The following NDUFAF2 variants were observed in gnomAD, a reference collection of about 807,000 sequenced individuals.
NDUFAF2 encodes the protein NADH:ubiquinone oxidoreductase complex assembly factor 2.
A neutral mutation model predicts 22.8 loss-of-function variants in NDUFAF2; 13 were observed. The observed-to-expected ratio is 0.57, with a 90% CI of 0.37 to 0.91. NDUFAF2 has a LOEUF of 0.91. Ranked by LOEUF, NDUFAF2 falls within the 40% of genes least tolerant of loss-of-function variation. NDUFAF2 has a pLI of 0.01. For missense variants in NDUFAF2, 162 were observed against 195.2 expected, an observed-to-expected ratio of 0.83 and a Z score of 1.01; for synonymous variants, 53 against 64.2, an observed-to-expected ratio of 0.83 and a Z score of 0.84.
intron 1 of NDUFAF2, among the ~76,000 whole-genome samples, chr5:60,949,600 CT>C (rs1750514952): frequency 6.6e-6 from 1 of 152,186 alleles, no homozygotes; most frequent in African/African-American, 2.4e-5. Flanking sequence ...CCAGCTTACT[CT>C]GTAAAACGGA....
intron 3 of NDUFAF2, among the ~76,000 whole-genome samples, chr5:61,107,949 G>T (rs952504371): frequency 6.7e-6 from 1 of 150,360 alleles, no homozygotes. Context: ...AGTTTACTGA[G>T]AATGATGATT....
Position 61,076,245 on chromosome 5 carries a change from T to G in NDUFAF2, c.217+3031T>G, listed in dbSNP as rs190659966. Among the ~76,000 whole-genome samples, 1,191 of 152,186 alleles carry G rather than the reference T, an allele frequency of 7.8e-3. 15 individuals are homozygous for G. Among genetic ancestry groups the G allele is most frequent in the African/African-American group, 0.027 (1,115 of 41,512 alleles). On this transcript the variant is annotated intron_variant, in intron 2 of 3. Coordinates refer to ENST00000296597, the MANE Select transcript of NDUFAF2 (RefSeq NM_174889.5). Reference sequence around the variant, plus strand: ...GCCACCACGCCCGGCTAATTTTGTTTTTGTATTTTTAGTAGAGAGAGGGTT... The same window carrying G: ...GCCACCACGCCCGGCTAATTTTGTTGTTGTATTTTTAGTAGAGAGAGGGTT...
At chr5:60,970,138 A>C (rs1394736181) in intron 1 of NDUFAF2, among the ~76,000 whole-genome samples, 2 of 152,154 alleles carry the variant, frequency 1.3e-5, no homozygotes, top group Non-Finnish European at 2.9e-5. Context: ...TCTGTAGTAT[A>C]ATTTGAAATC....
intron 3 of NDUFAF2, among the ~76,000 whole-genome samples, chr5:61,119,692 G>C (rs1752953595): frequency 6.6e-6 from 1 of 152,122 alleles, no homozygotes; most frequent in Non-Finnish European, 1.5e-5. Context: ...TTTTATGCCA[G>C]TCATTTGACC....
chr5:60,981,572 T>A (rs978831687), intron 1 of NDUFAF2, among the ~76,000 whole-genome samples: 2 of 152,234 alleles, frequency 1.3e-5, no homozygotes, highest in African/African-American at 4.8e-5. Context: ...AAACTACTTA[T>A]ATCTTAAGTA....
chr5:61,096,383 G>C (rs973278778), intron 2 of NDUFAF2, among the ~76,000 whole-genome samples: 1 of 151,734 alleles, frequency 6.6e-6, no homozygotes, highest in East Asian at 2.0e-4. Context: ...AGCAGATCAC[G>C]AGGTCAAGAG....
chr5:60,979,329 C>T (rs1750945135), intron 1 of NDUFAF2, among the ~76,000 whole-genome samples: 1 of 152,186 alleles, frequency 6.6e-6, no homozygotes, highest in African/African-American at 2.4e-5. Context: ...AGCTCAGCCA[C>T]AGCAGGGTAG....
intron 1 of NDUFAF2, among the ~76,000 whole-genome samples, chr5:61,021,100 A>G (rs158565): frequency 0.14 from 20,968 of 150,282 alleles, 1,802 homozygotes; most frequent in South Asian, 0.28. Flanking sequence ...TTTGTGGCAT[A>G]GTATTAGTTT....
chr5:61,040,704 T>A (rs893756265), intron 1 of NDUFAF2, among the ~76,000 whole-genome samples: 2 of 152,184 alleles, frequency 1.3e-5, no homozygotes, highest in African/African-American at 4.8e-5. Context: ...TCTTATTTTT[T>A]AAGATTCACA....
chr5:60,971,515 C>T (rs996236601), intron 1 of NDUFAF2, among the ~76,000 whole-genome samples: 2 of 151,964 alleles, frequency 1.3e-5, no homozygotes, highest in Non-Finnish European at 2.9e-5. Context: ...TCTCGATCTC[C>T]TGACCTCGTG....
chr5:61,034,912 A>ATGTGTGTGTGTGTGTGTGTGTGTG (rs1554080641), intron 1 of NDUFAF2, among the ~76,000 whole-genome samples: 1 of 144,888 alleles, frequency 6.9e-6, no homozygotes, highest in Non-Finnish European at 1.5e-5. Flanking sequence ...GCAAATATAT[A>ATGTGTGTGTGTGTGTGTGTGTGTG]TGTGTGTGTG....
At chr5:60,996,707 A>G (rs1333128289) in intron 1 of NDUFAF2, among the ~76,000 whole-genome samples, 1 of 152,138 alleles carries the variant, frequency 6.6e-6, no homozygotes, top group Non-Finnish European at 1.5e-5. Context: ...CTTAAGTTCA[A>G]ACTGCTGGGA....
chr5:61,024,847 C>A (rs1751629456), intron 1 of NDUFAF2, among the ~76,000 whole-genome samples: 1 of 152,028 alleles, frequency 6.6e-6, no homozygotes, highest in South Asian at 2.1e-4. Flanking sequence ...CTACCTTATT[C>A]TATCATACTA....
chr5:61,068,595 A>G (rs1233239026), intron 1 of NDUFAF2, among the ~76,000 whole-genome samples: 1 of 152,076 alleles, frequency 6.6e-6, no homozygotes, highest in African/African-American at 2.4e-5. Context: ...ATTTTGAGTC[A>G]CGCGCTTACA....
At chr5:61,121,187 A>G (rs1437782196) in intron 3 of NDUFAF2, among the ~76,000 whole-genome samples, 12 of 152,174 alleles carry the variant, frequency 7.9e-5, no homozygotes, top group Non-Finnish European at 1.6e-4. Context: ...CTATAGTCAT[A>G]AAGAATTAGG....
At chr5:61,038,358 A>G (rs1333247297) in intron 1 of NDUFAF2, among the ~76,000 whole-genome samples, 2 of 152,190 alleles carry the variant, frequency 1.3e-5, no homozygotes, top group African/African-American at 4.8e-5. Context: ...TGGTATTAAA[A>G]TTGATTGTGA....
chr5:60,996,047 T>G (rs1751224647), intron 1 of NDUFAF2, among the ~76,000 whole-genome samples: 1 of 152,082 alleles, frequency 6.6e-6, no homozygotes, highest in African/African-American at 2.4e-5. Context: ...GACAGTGGGC[T>G]CCCCTCTGGT....
At chr5:61,073,663 C>T (rs1339401669) in intron 2 of NDUFAF2, among the ~76,000 whole-genome samples, 1 of 152,056 alleles carries the variant, frequency 6.6e-6, no homozygotes, top group Non-Finnish European at 1.5e-5. Flanking sequence ...AGTATTTTTT[C>T]AACTCACAAT....
intron 1 of NDUFAF2, among the ~76,000 whole-genome samples, chr5:61,052,374 G>A (rs1481986006): frequency 1.3e-5 from 2 of 152,020 alleles, no homozygotes; most frequent in East Asian, 1.9e-4. Flanking sequence ...GCAGTGGTGC[G>A]TTCTCTGCTT....
Sources: allele counts gnomAD v4.1 joint callset (sites outside exome capture counted in the v4.1 genomes callset), GRCh38; gene constraint gnomAD v4.1.1; transcripts MANE v1.5; gene names NCBI Gene and HGNC (gene_info 2026-07-23, HGNC 2026-07-21).